The following ARL13B variants were observed in gnomAD, a reference collection of about 807,000 sequenced individuals.
ARL13B encodes ARF like GTPase 13B.
Under a neutral mutation model 56.1 loss-of-function variants are expected in ARL13B, and 36 were observed. That is an observed-to-expected ratio of 0.64 (90% CI 0.49 to 0.85). ARL13B has a LOEUF of 0.85. Ranked by LOEUF, ARL13B falls within the 40% of genes least tolerant of loss-of-function variation. The pLI is 0.00. For missense variants in ARL13B, 519 were observed against 507.1 expected (o/e 1.02, Z -0.23); for synonymous variants, 178 against 171.1 (o/e 1.04, Z -0.32).
intron 1 of ARL13B, among the ~76,000 whole-genome samples, chr3:93,983,441 A>T (rs1202018939): frequency 6.6e-6 from 1 of 152,156 alleles, no homozygotes; most frequent in Admixed American, 6.6e-5. Flanking sequence ...TGTGGAAATA[A>T]ACTCTTGAAA....
At chr3:93,983,766 A>G (rs1309074891) in intron 1 of ARL13B, among the ~76,000 whole-genome samples, 1 of 151,930 alleles carries the variant, frequency 6.6e-6, no homozygotes, top group Admixed American at 6.6e-5. Context: ...CTATTGGGGC[A>G]GGTGTGTTTT....
chr3:93,995,944 G>C lies in ARL13B; in HGVS notation c.130G>C (p.Glu44Gln). Residue 44 changes from glutamate (E) to glutamine (Q), a missense_variant and splice_region_variant, in exon 2 of 10, where the codon GAA (glutamate) becomes CAA (glutamine). Transcript: ENST00000394222. ...KTATAKGIQG[E>Q]YPEDVAPTVG... is the part of the protein sequence containing the mutation. The stretch of plus-strand genomic sequence containing the variant: ...CGCAACAGCAAAGGGAATCCAAGGA[G>C]GTAAGCTGAAAACATTTATGTGCTT... 1 of 1,612,602 alleles carries C rather than the reference G, an allele frequency of 6.2e-7. No homozygotes were observed. Among genetic ancestry groups the C allele is most frequent in the South Asian group, 1.1e-5 (1 of 90,950 alleles).
chr3:94,042,669 CTG>C (rs1401326212), intron 6 of ARL13B, among the ~76,000 whole-genome samples: 3 of 151,928 alleles, frequency 2.0e-5, no homozygotes, highest in Admixed American at 1.3e-4. Flanking sequence ...TGATGTATGT[CTG>C]TACATGATAT....
intron 7 of ARL13B, among the ~76,000 whole-genome samples, chr3:94,043,970 C>T (rs977730316): frequency 6.6e-6 from 1 of 151,854 alleles, no homozygotes; most frequent in Admixed American, 6.6e-5. Context: ...CAATGTTGCT[C>T]AGGCTGGAGT....
At chr3:94,020,026 TC>T (rs2076415421) in intron 3 of ARL13B, among the ~76,000 whole-genome samples, 1 of 152,230 alleles carries the variant, frequency 6.6e-6, no homozygotes, top group Non-Finnish European at 1.5e-5. Flanking sequence ...TTAGCATTTT[TC>T]ACTATTTAAC....
In ARL13B at chr3:94,036,559, GT is replaced by G. The variant is rs1560004168; in HGVS notation, c.496del (p.Ser166GlnfsTer32). 1 of 1,613,848 alleles carries G rather than the reference GT, an allele frequency of 6.2e-7. No individual in the cohort carries two copies. Among genetic ancestry groups the G allele is most frequent in the South Asian group, 1.1e-5 (1 of 91,058 alleles). On this transcript the variant is annotated frameshift_variant, in exon 5 of 10. Coordinates refer to ENST00000394222, the MANE Select transcript of ARL13B (RefSeq NM_001174150.2). LOFTEE classifies it high-confidence loss of function. The stretch of plus-strand genomic sequence containing the variant: ...AATAAATTTCTGTTTTAGGAACCAT[GT>G]TCAGCAATCTCGGGGTATGGAAAGA... ...EHKCLCQIEP[C>X]SAISGYGKKI...
At chr3:94,023,489 C>CT (rs974828107) in intron 3 of ARL13B, among the ~76,000 whole-genome samples, 23 of 150,196 alleles carry the variant, frequency 1.5e-4, no homozygotes, top group African/African-American at 3.9e-4. Context: ...TACGGTCTTG[C>CT]TTTTTTTTTA....
At chr3:94,051,946 T>C (rs2077073851) in intron 9 of ARL13B, among the ~76,000 whole-genome samples, 1 of 151,970 alleles carries the variant, frequency 6.6e-6, no homozygotes, top group South Asian at 2.1e-4. Flanking sequence ...GACAGAAAAG[T>C]TTGTCCTTAG....
intron 3 of ARL13B, among the ~76,000 whole-genome samples, chr3:94,024,763 T>A (rs1197442443): frequency 6.6e-6 from 1 of 152,058 alleles, no homozygotes; most frequent in Non-Finnish European, 1.5e-5. Context: ...TTTTTTAAAA[T>A]TTTTTGTAAA....
chr3:94,022,995 T>C (rs1210330076), intron 3 of ARL13B, among the ~76,000 whole-genome samples: 1 of 152,016 alleles, frequency 6.6e-6, no homozygotes, highest in Non-Finnish European at 1.5e-5. Flanking sequence ...CTTTTGAGGC[T>C]CCTTTCCTGG....
Position 94,043,296 on chromosome 3 carries a change from T to G in ARL13B, c.1024+56T>G, listed in dbSNP as rs758137126. 5 of 1,414,412 alleles carry G rather than the reference T, an allele frequency of 3.5e-6. No homozygotes were observed. The Admixed American group carries it at 5.9e-5, about 17-fold the overall frequency. The allele number at this position is 1,414,412 out of a possible 1,614,324, so 87.6% of individuals were successfully genotyped here. A position where few individuals can be genotyped will look rare whatever the true frequency, so the allele number is the denominator to read the frequency against. On this transcript the variant is annotated intron_variant, in intron 7 of 9. Coordinates refer to ENST00000394222, the MANE Select transcript of ARL13B (RefSeq NM_001174150.2). ...CTTATGTATATATAAATAAAACTTATACTTCATCTCATTTTTTATGTTTGT... is the reference window on the plus strand; with the variant it reads ...CTTATGTATATATAAATAAAACTTAGACTTCATCTCATTTTTTATGTTTGT...
chr3:94,029,349 A>ATTT (rs869211830), intron 3 of ARL13B, among the ~76,000 whole-genome samples: 5 of 88,070 alleles, frequency 5.7e-5, no homozygotes, highest in South Asian at 4.1e-4. Flanking sequence ...TTTTTTTTTT[A>ATTT]TTTTTTTTTT....
chr3:94,049,292 T>C, intron 7 of ARL13B, 114 bp from the exon 8 acceptor site: 1 of 589,710 alleles, frequency 1.7e-6, no homozygotes, highest in Non-Finnish European at 3.0e-6. Context: ...CAAAGTTAAA[T>C]AGTCAAGATG....
Position 94,054,986 on chromosome 3 carries a change from G to T in ARL13B, c.*1723G>T, listed in dbSNP as rs532382017. On this transcript the variant is annotated 3_prime_UTR_variant, in exon 10 of 10. Transcript: ENST00000394222. ...ATCTTTTTAATATTTATCTCGTTTG[G>T]GAGTATACGTGTTTTTAAAATTTGT... 3.3e-6 allele frequency: 1 copy of T among 305,788 alleles called. No homozygotes were observed. Among genetic ancestry groups the T allele is most frequent in the Non-Finnish European group, 6.4e-6 (1 of 156,268 alleles). The allele number at this position is 305,788 out of a possible 1,614,324, so 18.9% of individuals were successfully genotyped here.
chr3:94,022,132 A>AT (rs1372517307), intron 3 of ARL13B, among the ~76,000 whole-genome samples: 11 of 151,192 alleles, frequency 7.3e-5, no homozygotes, highest in African/African-American at 2.2e-4. Flanking sequence ...ATTTTATTTT[A>AT]TTTTTTTTGA....
rs539043190 is a variant in ARL13B at position 94,044,069 on chromosome 3, G to A, written c.1024+829G>A. Among the ~76,000 whole-genome samples, 3 of 152,232 alleles carry A rather than the reference G, an allele frequency of 2.0e-5. No individual in the cohort carries two copies. The East Asian group carries it at 5.9e-4, about 30-fold the overall frequency. ...AGTGCTAAGATTACAGCCTCTGCCT[G>A]CCCGCCACCCCGTCTAGGAAGTGAG... On this transcript the variant is annotated intron_variant, in intron 7 of 9. Transcript: ENST00000394222.
intron 7 of ARL13B, among the ~76,000 whole-genome samples, chr3:94,046,203 G>T (rs2076981650): frequency 1.3e-5 from 2 of 151,702 alleles, no homozygotes; most frequent in Admixed American, 1.3e-4. Flanking sequence ...AAAACCATCA[G>T]CCCAATCAAA....
At chr3:93,990,274 C>T (rs1435071557) in intron 1 of ARL13B, among the ~76,000 whole-genome samples, 1 of 152,098 alleles carries the variant, frequency 6.6e-6, no homozygotes, top group Non-Finnish European at 1.5e-5. Flanking sequence ...TCCCAAAGTG[C>T]TGAGATTACA....
chr3:94,037,048 C>T (rs1326503316), intron 5 of ARL13B, among the ~76,000 whole-genome samples: 1 of 152,050 alleles, frequency 6.6e-6, no homozygotes, highest in Non-Finnish European at 1.5e-5. Context: ...GTTCTCAATG[C>T]ACAGGGTAGT....
Sources: gnomAD v4.1 joint callset for allele counts (sites outside exome capture counted in the v4.1 genomes callset) on GRCh38, gnomAD v4.1.1 for gene constraint, MANE v1.5 for transcripts, NCBI Gene and HGNC (gene_info 2026-07-23, HGNC 2026-07-21) for gene names.